The following COL21A1 variants were observed in gnomAD, a reference collection of about 807,000 sequenced individuals.
COL21A1 encodes the protein collagen alpha-1(XXI) chain.
In COL21A1, 149 loss-of-function variants were observed where a neutral mutation model predicts 137.9. The observed-to-expected ratio is 1.08, with a 90% CI of 0.95 to 1.24. The LOEUF is 1.24. Among genes scored for constraint, COL21A1 ranks in the 50% most tolerant of loss-of-function variants. COL21A1 has a pLI of 0.00. For missense variants in COL21A1, 1,167 were observed against 1,158.4 expected (o/e 1.01, Z -0.11); for synonymous variants, 456 against 391.5 (o/e 1.16, Z -1.95).
chr6:56,073,104 TAA>T (rs200259517), intron 20 of COL21A1, among the ~76,000 whole-genome samples: 2 of 129,428 alleles, frequency 1.5e-5, no homozygotes, highest in East Asian at 2.2e-4. Context: ...GTGTATCTAA[TAA>T]AAAAAAAAAA....
At chr6:56,102,085 C>T (rs935838118) in intron 16 of COL21A1, among the ~76,000 whole-genome samples, 1 of 151,968 alleles carries the variant, frequency 6.6e-6, no homozygotes, top group African/African-American at 2.4e-5. Flanking sequence ...TGATATATAC[C>T]TTTACATTAC....
At chr6:56,186,105 A>T (rs1778279330) in intron 1 of COL21A1, among the ~76,000 whole-genome samples, 1 of 152,190 alleles carries the variant, frequency 6.6e-6, no homozygotes, top group Non-Finnish European at 1.5e-5. Context: ...TAAAAATCTA[A>T]AACAAAATAC....
At chr6:56,078,246 G>A (rs1342915647) in intron 17 of COL21A1, 2 of 455,268 alleles carry the variant, frequency 4.4e-6, no homozygotes, top group African/African-American at 2.0e-5. Context: ...AATAAATTTA[G>A]CACATTTATT....
intron 1 of COL21A1, among the ~76,000 whole-genome samples, chr6:56,385,423 G>A (rs2094016267): frequency 6.6e-6 from 1 of 152,134 alleles, no homozygotes; most frequent in Non-Finnish European, 1.5e-5. Context: ...AGCTTCTAGA[G>A]CATGGCCACA....
chr6:56,325,930 AT>A (rs1765068421), intron 1 of COL21A1, among the ~76,000 whole-genome samples: 8 of 44,664 alleles, frequency 1.8e-4, no homozygotes, highest in South Asian at 9.9e-4. Flanking sequence ...TATAATATAT[AT>A]AATATATATT....
intron 1 of COL21A1, among the ~76,000 whole-genome samples, chr6:56,226,821 A>G (rs1321001122): frequency 6.6e-6 from 1 of 152,044 alleles, no homozygotes; most frequent in Non-Finnish European, 1.5e-5. Flanking sequence ...TTGTTATGAC[A>G]ATGAAACTTT....
chr6:56,154,315 C>A (rs1335187458), intron 10 of COL21A1, among the ~76,000 whole-genome samples: 1 of 152,128 alleles, frequency 6.6e-6, no homozygotes, highest in African/African-American at 2.4e-5. Flanking sequence ...CCAAATAAAC[C>A]TTTCTTTATA....
chr6:56,154,683 A>G (rs1775605549), intron 10 of COL21A1, among the ~76,000 whole-genome samples: 1 of 152,082 alleles, frequency 6.6e-6, no homozygotes, highest in African/African-American at 2.4e-5. Context: ...TACTCTCCAA[A>G]TAGCATTTAT....
At chr6:56,251,845 A>C (rs939085910), upstream of COL21A1, among the ~76,000 whole-genome samples, 1 of 152,208 alleles carries the variant, frequency 6.6e-6, no homozygotes, top group African/African-American at 2.4e-5. Flanking sequence ...TAGCAGTCCT[A>C]TGTAAATGCA....
intron 10 of COL21A1, among the ~76,000 whole-genome samples, chr6:56,150,407 A>G (rs1775204945): frequency 6.6e-6 from 1 of 152,094 alleles, no homozygotes; most frequent in Non-Finnish European, 1.5e-5. Context: ...AGTCCCAGCT[A>G]CTGGAGAGGC....
At chr6:56,306,402 C>T (rs183203030) in intron 1 of COL21A1, among the ~76,000 whole-genome samples, 1 of 151,980 alleles carries the variant, frequency 6.6e-6, no homozygotes, top group African/African-American at 2.4e-5. Flanking sequence ...TCACATAGTC[C>T]CATATTTCTT....
intron 1 of COL21A1, among the ~76,000 whole-genome samples, chr6:56,372,728 T>C (rs2093991757): frequency 6.6e-6 from 1 of 152,230 alleles, no homozygotes; most frequent in Non-Finnish European, 1.5e-5. Context: ...TGTCTCTCCA[T>C]CTCTTGGTTT....
chr6:56,212,382 A>G (rs1270051427), intron 1 of COL21A1, among the ~76,000 whole-genome samples: 1 of 152,078 alleles, frequency 6.6e-6, no homozygotes, highest in African/African-American at 2.4e-5. Flanking sequence ...GTGAATATAC[A>G]CTACTTAATA....
intron 6 of COL21A1, among the ~76,000 whole-genome samples, chr6:56,167,202 C>A (rs1447738517): frequency 6.6e-6 from 1 of 152,202 alleles, no homozygotes; most frequent in Non-Finnish European, 1.5e-5. Flanking sequence ...GCACCAAGAG[C>A]AAATCGATTT....
chr6:56,297,423 A>G (rs60619715), intron 1 of COL21A1, among the ~76,000 whole-genome samples: 23,711 of 152,104 alleles, frequency 0.16, 3,364 homozygotes, highest in East Asian at 0.59. Flanking sequence ...TTTAATCAGT[A>G]GTCCTCTGGA....
chr6:56,063,127 C>T (rs1240459921), intron 24 of COL21A1, among the ~76,000 whole-genome samples: 1 of 152,114 alleles, frequency 6.6e-6, no homozygotes, highest in Admixed American at 6.6e-5. Context: ...AGAAATGTAG[C>T]TTCCAACCAA....
intron 16 of COL21A1, among the ~76,000 whole-genome samples, chr6:56,114,375 G>A (rs1289030740): frequency 6.6e-6 from 1 of 152,206 alleles, no homozygotes; most frequent in Non-Finnish European, 1.5e-5. Context: ...CAATGTGTTT[G>A]CTCTTGCTTT....
intron 1 of COL21A1, among the ~76,000 whole-genome samples, chr6:56,323,471 C>T (rs1764924526): frequency 6.6e-6 from 1 of 152,178 alleles, no homozygotes; most frequent in Admixed American, 6.6e-5. Context: ...CTGTCTGCAA[C>T]CTCTGCTTCC....
intron 1 of COL21A1, among the ~76,000 whole-genome samples, chr6:56,218,364 T>C (rs76675692): frequency 0.014 from 2,198 of 152,152 alleles, 32 homozygotes; most frequent in Middle Eastern, 0.038. Context: ...TGTTTTGTTC[T>C]TAGTACATTT....
Sources: gnomAD v4.1 joint callset for allele counts (sites outside exome capture counted in the v4.1 genomes callset) on GRCh38, gnomAD v4.1.1 for gene constraint, MANE v1.5 for transcripts, NCBI Gene and HGNC (gene_info 2026-07-23, HGNC 2026-07-21) for gene names.